Variants in COG8 observed in about 807,000 individuals in gnomAD.
The protein encoded by COG8 is conserved oligomeric Golgi complex subunit 8.
In COG8, 45 loss-of-function variants were observed where a neutral mutation model predicts 46.5. That is an observed-to-expected ratio of 0.97 (90% CI 0.76 to 1.24). COG8 has a LOEUF of 1.24. COG8 is among the 50% of genes most tolerant of loss of function. COG8 has a pLI of 0.00. For synonymous variants in COG8, 407 were observed against 347.8 expected (o/e 1.17, Z -1.90); for missense variants, 793 against 820.8 (o/e 0.97, Z 0.41).
In COG8 at chr16:69,339,498, C is replaced by G; in HGVS notation, c.55G>C (p.Gly19Arg). 1 of 1,606,590 alleles carries G rather than the reference C, an allele frequency of 6.2e-7. No homozygotes were observed. Among genetic ancestry groups the G allele is most frequent in the Non-Finnish European group, 8.5e-7 (1 of 1,179,816 alleles). ...SVATATAAAL[G>R]EVEDEGLLAS... The stretch of plus-strand genomic sequence containing the variant: ...AGGAGCCCTTCATCCTCCACCTCGC[C>G]GAGAGCCGCTGCTGTGGCCGTGGCT... Residue 19 changes from glycine (G) to arginine (R), a missense_variant, in exon 1 of 6, where the codon GGC (glycine) becomes CGC (arginine). Transcript: ENST00000306875.
chr16:69,330,418 G>A (rs2011708554), intron 5 of COG8: 1 of 1,477,400 alleles, frequency 6.8e-7, no homozygotes, highest in Non-Finnish European at 8.9e-7. Flanking sequence ...GACGCCTCAG[G>A]TGGCGCCAAT....
Position 69,335,201 on chromosome 16 carries a change from C to T in COG8, c.733G>A (p.Val245Met). Residue 245 changes from valine (V) to methionine (M), a missense_variant, in exon 3 of 6, where the codon GTG (valine) becomes ATG (methionine). By Grantham distance (21) the Val-to-Met change is conservative (BLOSUM62 1). Coordinates refer to ENST00000306875, the MANE Select transcript of COG8 (RefSeq NM_032382.5). ...MDVFTEAELR[V>M]KFLQARDAWL... ...GCATCTCGGGCCTGAAGAAACTTCA[C>T]CCTCAACTCAGCCTCAGTGAAGACG... The T allele has an allele frequency of 3.7e-6, 6 of 1,614,122 alleles. No homozygotes were observed. The highest frequency in any genetic ancestry group is 5.1e-6 in the Non-Finnish European group (6 of 1,180,012).
intron 1 of COG8, among the ~76,000 whole-genome samples, chr16:69,337,528 C>A (rs1411345035): frequency 6.6e-6 from 1 of 152,180 alleles, no homozygotes; most frequent in Non-Finnish European, 1.5e-5. Context: ...AATGTTCAAC[C>A]ATAGTTCCTG....
Position 69,339,346 on chromosome 16 carries a change from C to T in COG8, c.207G>A (p.Ala69=). ...ERLRREPERL[A]EERAQLLQQT... ...GCTGCAGCAGCTGCGCCCGCTCCTC[C>T]GCCAGGCGCTCGGGCTCGCGCCGCA... The change falls in exon 1 of 6, where the codon GCG becomes GCA. Residue 69 remains alanine (A), a synonymous_variant. Transcript: ENST00000306875. 2 of 1,599,946 alleles carry T rather than the reference C, an allele frequency of 1.3e-6. No homozygotes were observed. The highest frequency in any genetic ancestry group is 1.7e-6 in the Non-Finnish European group (2 of 1,175,736).
chr16:69,329,250 G>C, intron 5 of COG8, 71 bp from the exon 6 acceptor site: 1 of 1,435,002 alleles, frequency 7.0e-7, no homozygotes, highest in East Asian at 2.7e-5. Context: ...CCCTACCCCT[G>C]CCCCCGGTCC....
rs1424813444 is a variant in COG8, at chr16:69,329,179, C to T, written c.*27G>A. 5 of 1,592,788 alleles carry T rather than the reference C, an allele frequency of 3.1e-6. No homozygotes were observed. In the African/African-American group the frequency reaches 6.7e-5, roughly 21 times the overall value. ...CACCTGTTCTCCATTGGGGTCCAGC[C>T]CTGCAAAGGAAGTTACAGCCCTGGT... On this transcript the variant is annotated splice_region_variant and 3_prime_UTR_variant, in exon 6 of 6. Transcript: ENST00000306875.
intron 1 of COG8, among the ~76,000 whole-genome samples, chr16:69,338,814 C>T (rs1218037953): frequency 1.3e-5 from 2 of 152,152 alleles, no homozygotes; most frequent in Non-Finnish European, 2.9e-5. Context: ...ATGCTGAAAC[C>T]CCGTCTCTAC....
rs760122728 is a variant in COG8 at position 69,335,011 on chromosome 16, G to A, written c.923C>T (p.Thr308Ile). Reference sequence around the variant, plus strand: ...ATGGAAGATGGCACTCTCATTCACAGTGTGCTCACCCATGGCAGGGGGCAG... The same window carrying A: ...ATGGAAGATGGCACTCTCATTCACAATGTGCTCACCCATGGCAGGGGGCAG... ...PLLPPAMGEHTVNESAIFHGW... is the reference protein window; with the variant it reads ...PLLPPAMGEHIVNESAIFHGW... The change falls in exon 3 of 6, where the codon ACT becomes ATT. Residue 308 changes from threonine (T) to isoleucine (I), a missense_variant. Transcript: ENST00000306875. 13 of 1,614,186 alleles carry A rather than the reference G, an allele frequency of 8.1e-6. No homozygotes were observed. In the South Asian group the frequency reaches 1.4e-4, roughly 18 times the overall value.
In COG8 at chr16:69,334,601, C is replaced by T. The variant is rs1320877452; in HGVS notation, c.1333G>A (p.Ala445Thr). Residue 445 changes from alanine (A) to threonine (T), a missense_variant, in exon 3 of 6, where the codon GCC becomes ACC. Coordinates refer to ENST00000306875, the MANE Select transcript of COG8 (RefSeq NM_032382.5). ...CAGCAGAGGCGCAGATCATTGAAGG[C>T]AACCAGAATATTGTTGAGAAAGCAG... ...LACFLNNILV[A>T]FNDLRLCCPV... 5 of 1,614,070 alleles carry T rather than the reference C, an allele frequency of 3.1e-6. No homozygotes were observed. Among genetic ancestry groups the T allele is most frequent in the South Asian group, 1.1e-5 (1 of 91,096 alleles).
intron 5 of COG8, chr16:69,330,570 T>C (rs1256249382): frequency 6.9e-6 from 10 of 1,459,366 alleles, no homozygotes; most frequent in East Asian, 5.7e-5. Context: ...AGCCGGGCCA[T>C]GGCGGCCCCC....
chr16:69,334,561 G>A lies in COG8; in HGVS notation c.1373C>T (p.Ala458Val), dbSNP rs149531391. ...DLRLCCPVAL[A>V]QDVTGALEDA... ...TTCCAAGGCCCCAGTCACATCCTGC[G>A]CCAGGGCCACAGGGCAGCAGAGGCG... The change falls in exon 3 of 6, where the codon GCG becomes GTG. Residue 458 changes from alanine to valine, a missense_variant. Ala to Val is a moderately conservative substitution (Grantham distance 64). Coordinates refer to ENST00000306875, the MANE Select transcript of COG8 (RefSeq NM_032382.5). The A allele has an allele frequency of 5.4e-5, 87 of 1,614,086 alleles. No homozygotes were observed. Among genetic ancestry groups the A allele is most frequent in the Admixed American group, 5.2e-4 (31 of 60,008 alleles).
intron 3 of COG8, 87 bp downstream of exon 3, chr16:69,334,434 G>T: frequency 8.5e-7 from 1 of 1,181,456 alleles, no homozygotes; most frequent in Non-Finnish European, 1.2e-6. Flanking sequence ...AGCAGACACC[G>T]TCAAATAGAC....
At chr16:69,332,954 CA>C in intron 3 of COG8, 72 bp from the exon 4 acceptor site, 1 of 1,449,286 alleles carries the variant, frequency 6.9e-7, no homozygotes, top group Non-Finnish European at 9.7e-7. Context: ...TGAAACTAGG[CA>C]AAAAAATGTA....
At chr16:69,333,563 G>A (rs751395126) in intron 3 of COG8, among the ~76,000 whole-genome samples, 5 of 152,182 alleles carry the variant, frequency 3.3e-5, no homozygotes, top group Non-Finnish European at 7.3e-5. Flanking sequence ...ACTAAGCCCC[G>A]AGGTTTCAGA....
At chr16:69,330,153 G>A (rs373256271) in intron 5 of COG8, 5 of 1,545,520 alleles carry the variant, frequency 3.2e-6, no homozygotes, top group East Asian at 5.2e-5. Flanking sequence ...CGGAGCGCGC[G>A]CTGGCGGGGC....
Position 69,339,297 on chromosome 16 carries a change from T to C in COG8, c.256A>G (p.Asn86Asp), listed in dbSNP as rs911698779. ...GCGCCGCGGATGAAGGTCTTGTAGT[T>C]AGCGAAGGCCAAGTCGCGCGTCTGC... ...LQQTRDLAFA[N>D]YKTFIRGAEC... Residue 86 changes from asparagine (N) to aspartate (D), a missense_variant, in exon 1 of 6, where the codon AAC (asparagine) becomes GAC (aspartate). Transcript: ENST00000306875. 4 of 1,612,058 alleles carry C rather than the reference T, an allele frequency of 2.5e-6. No homozygotes were observed. The highest frequency in any genetic ancestry group is 3.4e-6 in the Non-Finnish European group (4 of 1,179,606).
At position 69,335,228 on chromosome 16, in the gene COG8, C is replaced by T; in HGVS notation, c.706G>A (p.Asp236Asn). 2 of 1,614,064 alleles carry T rather than the reference C, an allele frequency of 1.2e-6. No homozygotes were observed. The highest frequency in any genetic ancestry group is 1.6e-4 in the Middle Eastern group (1 of 6,062). ...CTCAACTCAGCCTCAGTGAAGACGT[C>T]CATGCGCCGCAGGTAGCCAATGACA... ...LRVIGYLRRM[D>N]VFTEAELRVK... The change falls in exon 3 of 6, where the codon GAC (aspartate) becomes AAC (asparagine). Residue 236 changes from aspartate to asparagine, a missense_variant. By Grantham distance (23) the Asp-to-Asn change is conservative. Transcript: ENST00000306875.
Position 69,330,797 on chromosome 16 carries a change from CG to C in COG8, c.*26+15del, listed in dbSNP as rs1012662040. ...CGAGGCAGTCCTGGCCACCCCGCGC[CG>C]GGAACCTCACGCACCGCGTTCTGGA... On this transcript the variant is annotated intron_variant, in intron 5 of 5. Coordinates refer to ENST00000306875, the MANE Select transcript of COG8 (RefSeq NM_032382.5). The C allele has an allele frequency of 8.6e-6, 13 of 1,515,186 alleles. No individual in the cohort carries two copies. The Admixed American group carries it at 2.1e-4, about 24-fold the overall frequency. 93.9% of individuals were successfully genotyped at this position (1,515,186 alleles called of 1,614,324 possible). A position where few individuals can be genotyped will look rare whatever the true frequency, so the allele number is the denominator to read the frequency against.
At position 69,327,921 on chromosome 16, in the gene COG8, T is replaced by A. The variant is rs1475311096; in HGVS notation, c.*1285A>T. The A allele has an allele frequency of 6.6e-6, 1 of 152,164 alleles. No homozygotes were observed. The highest frequency in any genetic ancestry group is 1.5e-5 in the Non-Finnish European group (1 of 68,026). The allele number at this position is 152,164 out of a possible 1,614,324, so 9.4% of individuals were successfully genotyped here. On this transcript the variant is annotated 3_prime_UTR_variant, in exon 6 of 6. Transcript: ENST00000306875. The stretch of plus-strand genomic sequence containing the variant: ...CAAGACAAAGCTGACACTTTTTTTT[T>A]TTGAGACAGAGAAAAAAAGAAAACT...
Sources: allele counts gnomAD v4.1 joint callset (sites outside exome capture counted in the v4.1 genomes callset), GRCh38; gene constraint gnomAD v4.1.1; transcripts MANE v1.5; gene names NCBI Gene and HGNC (gene_info 2026-07-23, HGNC 2026-07-21).